IBTK: variants seen among roughly 807,000 people sequenced by gnomAD.
IBTK encodes inhibitor of Bruton tyrosine kinase.
IBTK carries 83 observed loss-of-function variants against 154.9 expected under a neutral mutation model. That is an observed-to-expected ratio of 0.54 (90% CI 0.45 to 0.64). The LOEUF is 0.64. Ranked by LOEUF, IBTK falls within the 30% of genes least tolerant of loss-of-function variation. IBTK has a pLI of 0.00. For missense variants in IBTK, 1,332 were observed against 1,584.6 expected (o/e 0.84, Z 2.71); for synonymous variants, 515 against 536.1 (o/e 0.96, Z 0.54).
At chr6:82,173,501 T>A in intron 26 of IBTK, 63 bp from the exon 27 acceptor site, 2 of 1,345,278 alleles carry the variant, frequency 1.5e-6, no homozygotes, top group Non-Finnish European at 2.1e-6. Context: ...AACTGCTTAT[T>A]AATAGATACA....
At chr6:82,212,043 G>A (rs1200846557) in intron 13 of IBTK, among the ~76,000 whole-genome samples, 1 of 152,054 alleles carries the variant, frequency 6.6e-6, no homozygotes, top group African/African-American at 2.4e-5. Context: ...CACCCAGGCT[G>A]GAGTGCAATG....
intron 23 of IBTK, among the ~76,000 whole-genome samples, chr6:82,194,185 T>C (rs1768893279): frequency 6.6e-6 from 1 of 152,124 alleles, no homozygotes; most frequent in Non-Finnish European, 1.5e-5. Flanking sequence ...TTTTAACCAA[T>C]ACATATTATC....
At chr6:82,176,727 C>A (rs1164167710) in intron 26 of IBTK, among the ~76,000 whole-genome samples, 1 of 151,944 alleles carries the variant, frequency 6.6e-6, no homozygotes, top group East Asian at 1.9e-4. Flanking sequence ...TTGCCCTAAC[C>A]TTGGAAAAAA....
At chr6:82,172,631 C>A in intron 27 of IBTK, 119 bp from the exon 28 acceptor site, 2 of 792,764 alleles carry the variant, frequency 2.5e-6, no homozygotes, top group East Asian at 2.8e-5. Flanking sequence ...ATGAACGAAC[C>A]TGGAAGCTTT....
chr6:82,228,942 T>G (rs1770398565), intron 4 of IBTK, among the ~76,000 whole-genome samples: 1 of 152,110 alleles, frequency 6.6e-6, no homozygotes, highest in Non-Finnish European at 1.5e-5. Context: ...AATTTTTAAA[T>G]AAGAACTGAG....
intron 1 of IBTK, among the ~76,000 whole-genome samples, chr6:82,246,441 C>CTTTTTTTTTTT (rs1554189129): frequency 9.0e-5 from 10 of 111,674 alleles, no homozygotes; most frequent in Non-Finnish European, 1.3e-4. Flanking sequence ...TTACAGGCAT[C>CTTTTTTTTTTT]TTTTTTTTTT....
At chr6:82,219,704 A>G (rs545320220) in intron 9 of IBTK, among the ~76,000 whole-genome samples, 291 of 151,670 alleles carry the variant, frequency 1.9e-3, no homozygotes, top group Non-Finnish European at 3.5e-3. Flanking sequence ...AAATGTACTG[A>G]TATGTTTGCA....
rs555151884 is a variant in IBTK at position 82,171,332 on chromosome 6, G to T, written c.*93C>A. 3 of 966,160 alleles carry T rather than the reference G, an allele frequency of 3.1e-6. No individual in the cohort carries two copies. In the South Asian group the frequency reaches 5.3e-5, roughly 17 times the overall value. 59.8% of individuals were successfully genotyped at this position (966,160 alleles called of 1,614,324 possible). ...TATCTTTTCTTAATCTATTTAGAAT[G>T]ATATTACAAAATCTCTAAGACTCTT... On this transcript the variant is annotated 3_prime_UTR_variant, in exon 29 of 29. Coordinates refer to ENST00000306270, the MANE Select transcript of IBTK (RefSeq NM_015525.4).
intron 11 of IBTK, 137 bp downstream of exon 11, chr6:82,215,939 T>G (rs911439474): frequency 1.7e-6 from 1 of 594,998 alleles, no homozygotes; most frequent in Admixed American, 3.5e-5. Context: ...ACATAATCTG[T>G]AAACATGATT....
chr6:82,193,188 T>A (rs1228634511), intron 23 of IBTK, among the ~76,000 whole-genome samples: 2 of 152,312 alleles, frequency 1.3e-5, no homozygotes, highest in East Asian at 3.9e-4. Flanking sequence ...CTACTTATTA[T>A]TTACACTAGG....
At chr6:82,206,858 A>G (rs1160011403) in intron 16 of IBTK, among the ~76,000 whole-genome samples, 1 of 152,208 alleles carries the variant, frequency 6.6e-6, no homozygotes, top group African/African-American at 2.4e-5. Flanking sequence ...TAAGAAACAG[A>G]AAAACATTTG....
rs118155334 is a variant in IBTK, at chr6:82,236,965, G to C, written c.322-2710C>G. On this transcript the variant is annotated intron_variant, in intron 2 of 28. Transcript: ENST00000306270. Reference sequence around the variant, plus strand: ...TTATGTATCTATCACTGATCAGCAGGGCTCTGATGCCAATAAGACAGTCAA... The same window carrying C: ...TTATGTATCTATCACTGATCAGCAGCGCTCTGATGCCAATAAGACAGTCAA... Among the ~76,000 whole-genome samples, 3 of 152,300 alleles carry C rather than the reference G, an allele frequency of 2.0e-5. No individual in the cohort carries two copies. In the East Asian group the frequency reaches 5.8e-4, roughly 29 times the overall value.
At chr6:82,205,437 G>A (rs573968114) in intron 16 of IBTK, 2 of 152,430 alleles carry the variant, frequency 1.3e-5, no homozygotes, top group African/African-American at 4.8e-5. Context: ...TCATCTAAGA[G>A]TGCTTTTTTG....
chr6:82,199,088 A>C (rs979187331), intron 21 of IBTK, among the ~76,000 whole-genome samples: 12 of 152,202 alleles, frequency 7.9e-5, no homozygotes, highest in Admixed American at 5.2e-4. Context: ...ACACTAATTA[A>C]TGTCAATTGT....
Position 82,210,564 on chromosome 6 carries a change from G to A in IBTK, c.2509+250C>T, listed in dbSNP as rs1397635137. The A allele has an allele frequency of 8.1e-5, 14 of 172,142 alleles. No individual in the cohort carries two copies. The South Asian group carries it at 2.1e-3, about 26-fold the overall frequency. The allele number at this position is 172,142 out of a possible 1,614,324, so 10.7% of individuals were successfully genotyped here. A position where few individuals can be genotyped will look rare whatever the true frequency, so the allele number is the denominator to read the frequency against. ...TTATTGGCCAGGCATAGTGGCTCAC[G>A]CTATAATCCTAGCACTTTGGAAGGC... On this transcript the variant is annotated intron_variant, in intron 16 of 28. Transcript: ENST00000306270.
At position 82,214,694 on chromosome 6, in the gene IBTK, T is replaced by C. The variant is rs753556782; in HGVS notation, c.1737A>G (p.Lys579=). ...QVGNRLFPAH[K]YILAVHSDFF... is the part of the protein sequence containing the mutation. Reference sequence around the variant, plus strand: ...AATCAGAATGCACTGCCAAAATATATTTATGTGCAGGGAAGAGTCTATTGC... The same window carrying C: ...AATCAGAATGCACTGCCAAAATATACTTATGTGCAGGGAAGAGTCTATTGC... Residue 579 remains lysine, a synonymous_variant, in exon 12 of 29, where the codon AAA becomes AAG. Coordinates refer to ENST00000306270, the MANE Select transcript of IBTK (RefSeq NM_015525.4). 1.2e-6 allele frequency: 2 copies of C among 1,613,950 alleles called. No homozygotes were observed. Among genetic ancestry groups the C allele is most frequent in the African/African-American group, 2.7e-5 (2 of 74,908 alleles).
chr6:82,188,525 T>A (rs1768637075), intron 25 of IBTK, among the ~76,000 whole-genome samples: 1 of 152,206 alleles, frequency 6.6e-6, no homozygotes, highest in Non-Finnish European at 1.5e-5. Context: ...ACTTGTTGCG[T>A]GGTACATACG....
chr6:82,175,846 A>G (rs1330407145), intron 26 of IBTK, among the ~76,000 whole-genome samples: 2 of 152,032 alleles, frequency 1.3e-5, no homozygotes, highest in Non-Finnish European at 2.9e-5. Flanking sequence ...CCTGACCAAC[A>G]TGGAGAAATC....
chr6:82,199,958 C>T (rs1769138634), intron 21 of IBTK, among the ~76,000 whole-genome samples, 183 bp downstream of exon 21: 1 of 152,166 alleles, frequency 6.6e-6, no homozygotes, highest in Admixed American at 6.5e-5. Flanking sequence ...CTTCCCTGAT[C>T]TCAGATTAGT....
Sources: gnomAD v4.1 joint callset for allele counts (sites outside exome capture counted in the v4.1 genomes callset) on GRCh38, gnomAD v4.1.1 for gene constraint, MANE v1.5 for transcripts, NCBI Gene and HGNC (gene_info 2026-07-23, HGNC 2026-07-21) for gene names.